The following MICAL3 variants were observed in gnomAD, a reference collection of about 807,000 sequenced individuals.
MICAL3 encodes the protein [F-actin]-monooxygenase MICAL3.
In MICAL3, 62 loss-of-function variants were observed where a neutral mutation model predicts 207.4. The ratio of observed to expected loss-of-function variants is 0.30; its 90% CI spans 0.24 to 0.37. The LOEUF is 0.37. Among genes scored for constraint, MICAL3 ranks in the 10% least tolerant of loss-of-function variants. The probability of loss-of-function intolerance (pLI) is 1.00; values close to 1 mark genes in which losing one functional copy is unlikely to be tolerated. For synonymous variants in MICAL3, 1,077 were observed against 1,069.3 expected (o/e 1.01, Z -0.14); for missense variants, 2,368 against 2,635.6 (o/e 0.90, Z 2.22).
intron 29 of MICAL3, among the ~76,000 whole-genome samples, chr22:17,797,275 G>T (rs2061886450): frequency 6.6e-6 from 1 of 152,188 alleles, no homozygotes; most frequent in Non-Finnish European, 1.5e-5. Flanking sequence ...GTGAGGGTGA[G>T]ATGACTGCTG....
At chr22:18,004,259 CTT>C (rs540047525) in intron 1 of MICAL3, 2 of 144,002 alleles carry the variant, frequency 1.4e-5, no homozygotes, top group African/African-American at 2.5e-5. Flanking sequence ...ATATACATTT[CTT>C]TTTTTTTTTT....
intron 27 of MICAL3, among the ~76,000 whole-genome samples, chr22:17,816,260 C>T (rs943794170): frequency 4.6e-5 from 7 of 152,234 alleles, no homozygotes; most frequent in Non-Finnish European, 7.3e-5. Context: ...ATCAAACCCA[C>T]CAAACGGGCA....
intron 20 of MICAL3, among the ~76,000 whole-genome samples, chr22:17,839,030 T>C (rs1039943420): frequency 3.4e-5 from 5 of 147,504 alleles, no homozygotes; most frequent in African/African-American, 1.3e-4. Flanking sequence ...GGCATGATCC[T>C]GGCTCACTGT....
chr22:17,848,482 C>T (rs1010644281), intron 19 of MICAL3, among the ~76,000 whole-genome samples: 7 of 152,188 alleles, frequency 4.6e-5, no homozygotes, highest in Non-Finnish European at 8.8e-5. Flanking sequence ...TGCAGAGGGA[C>T]CCCACTGCCT....
chr22:17,857,485 A>G (rs2058543308), intron 19 of MICAL3, among the ~76,000 whole-genome samples: 1 of 152,240 alleles, frequency 6.6e-6, no homozygotes, highest in Admixed American at 6.5e-5. Flanking sequence ...GTTGGGGAAC[A>G]CGGCCTGCGG....
intron 19 of MICAL3, among the ~76,000 whole-genome samples, chr22:17,856,656 C>T (rs1469196212): frequency 6.9e-6 from 1 of 144,726 alleles, no homozygotes; most frequent in African/African-American, 2.6e-5. Context: ...GCTCTGTCGC[C>T]CAGGCCGGAC....
At chr22:17,962,007 G>A (rs907744319) in intron 1 of MICAL3, among the ~76,000 whole-genome samples, 1 of 152,142 alleles carries the variant, frequency 6.6e-6, no homozygotes, top group Non-Finnish European at 1.5e-5. Flanking sequence ...ACAGACTATA[G>A]GACTTACAGA....
At chr22:17,963,130 T>C (rs1230686338) in intron 1 of MICAL3, among the ~76,000 whole-genome samples, 1 of 152,110 alleles carries the variant, frequency 6.6e-6, no homozygotes, top group African/African-American at 2.4e-5. Flanking sequence ...TTACTTATTT[T>C]TGAAACGGGT....
At position 17,982,321 on chromosome 22, in the gene MICAL3, C is replaced by T. The variant is rs59280724; in HGVS notation, c.-75+41960G>A. ...CACTGGAGAAACTGCACGTGCAACA[C>T]GTTATCTTTTCAAAAACGGGGGAAA... On this transcript the variant is annotated intron_variant, in intron 1 of 31. Transcript: ENST00000441493. Among the ~76,000 whole-genome samples the T allele has an allele frequency of 1.4e-3, 212 of 152,300 alleles. 1 individual carries two copies. Among genetic ancestry groups the T allele is most frequent in the African/African-American group, 4.9e-3 (205 of 41,560 alleles).
intron 1 of MICAL3, among the ~76,000 whole-genome samples, chr22:18,000,280 A>C (rs992063116): frequency 7.2e-5 from 11 of 152,004 alleles, no homozygotes; most frequent in Middle Eastern, 3.5e-3. Flanking sequence ...ACCTGTCCAC[A>C]GTTGACCTTC....
chr22:17,902,603 C>T lies in MICAL3; in HGVS notation c.589+28G>A, dbSNP rs950998131. 1 of 1,379,782 alleles carries T rather than the reference C, an allele frequency of 7.2e-7. No homozygotes were observed. Among genetic ancestry groups the T allele is most frequent in the Admixed American group, 1.9e-5 (1 of 52,946 alleles). 85.5% of individuals were successfully genotyped at this position (1,379,782 alleles called of 1,614,324 possible). On this transcript the variant is annotated intron_variant, in intron 4 of 31. Transcript: ENST00000441493. This position sits in a 1 kb window ranked among gnomAD's most constrained non-coding sequence, Gnocchi z 4.5. ...CCTCACCCATCAACACCCTCTCACG[C>T]CTTCTTCACTCCTCCAGTATAACTT...
At chr22:17,954,896 G>A (rs1012175052) in intron 1 of MICAL3, among the ~76,000 whole-genome samples, 1 of 151,874 alleles carries the variant, frequency 6.6e-6, no homozygotes, top group African/African-American at 2.4e-5. Context: ...GCTAATTTTT[G>A]TATTTTTAGT....
chr22:17,899,191 G>A (rs116266975), intron 7 of MICAL3: 460 of 522,078 alleles, frequency 8.8e-4, no homozygotes, highest in African/African-American at 8.0e-3. Flanking sequence ...CACTGGCCAC[G>A]TGTTGAGAAC....
intron 1 of MICAL3, among the ~76,000 whole-genome samples, chr22:17,958,512 G>A (rs982309300): frequency 6.6e-6 from 1 of 152,132 alleles, no homozygotes; most frequent in African/African-American, 2.4e-5. Context: ...CCCCGTTAAA[G>A]CTAGAAAACT....
At chr22:17,986,854 C>T (rs1486094226) in intron 1 of MICAL3, among the ~76,000 whole-genome samples, 1 of 152,126 alleles carries the variant, frequency 6.6e-6, no homozygotes, top group African/African-American at 2.4e-5. Context: ...TGGTAGGATA[C>T]CTCTTTTCTC....
At chr22:17,980,022 T>TCTCA in intron 1 of MICAL3, among the ~76,000 whole-genome samples, 1 of 151,962 alleles carries the variant, frequency 6.6e-6, no homozygotes, top group Non-Finnish European at 1.5e-5. Flanking sequence ...AGAAAAGGGG[T>TCTCA]CTCATTATAT....
At chr22:18,019,938 G>A (rs985232437) in intron 1 of MICAL3, 1 of 145,356 alleles carries the variant, frequency 6.9e-6, no homozygotes, top group Admixed American at 7.0e-5. Flanking sequence ...TCAGCCTCCC[G>A]AGTAGGTGGG....
intron 16 of MICAL3, among the ~76,000 whole-genome samples, chr22:17,879,893 A>T (rs528206036): frequency 3.3e-5 from 5 of 152,310 alleles, no homozygotes; most frequent in African/African-American, 1.2e-4. Context: ...GCCAAAGCAT[A>T]ATTTACTAAA....
At chr22:17,906,506 C>T (rs1344602752) in intron 2 of MICAL3, 43 bp downstream of exon 2, 1 of 1,612,238 alleles carries the variant, frequency 6.2e-7, no homozygotes, top group Non-Finnish European at 8.5e-7. Context: ...AGGGAGAAGG[C>T]ATCTCGTCAG....
Sources: allele counts gnomAD v4.1 joint callset (sites outside exome capture counted in the v4.1 genomes callset), GRCh38; gene constraint gnomAD v4.1.1; non-coding constraint Gnocchi (gnomAD v3.1); transcripts MANE v1.5; gene names NCBI Gene and HGNC (gene_info 2026-07-23, HGNC 2026-07-21).